The following IL20RA variants were observed in gnomAD, a reference collection of about 807,000 sequenced individuals.
IL20RA encodes interleukin 20 receptor subunit alpha, also known as interleukin-20 receptor subunit alpha.
In IL20RA, 29 loss-of-function variants were observed where a neutral mutation model predicts 36.5. The ratio of observed to expected loss-of-function variants is 0.79; its 90% CI spans 0.59 to 1.08. IL20RA has a LOEUF of 1.08. Among genes scored for constraint, IL20RA ranks in the 50% least tolerant of loss-of-function variants. IL20RA has a pLI of 0.00. For synonymous variants in IL20RA, 279 were observed against 267.1 expected (o/e 1.04, Z -0.43); for missense variants, 652 against 668.4 (o/e 0.98, Z 0.27).
In IL20RA at chr6:137,009,317, C is replaced by T. The variant is rs375320839; in HGVS notation, c.579G>A (p.Thr193=). ...VSVLNTKSNR[T]WSQCVTNHTL... The stretch of plus-strand genomic sequence containing the variant: ...ATGCCCCATTCCATTTCAGGCTTAC[C>T]GTTCTGTTTGATTTAGTATTCAACA... Residue 193 remains threonine (T), a splice_region_variant and synonymous_variant, in exon 4 of 7, where the codon ACG becomes ACA. Coordinates refer to ENST00000316649, the MANE Select transcript of IL20RA (RefSeq NM_014432.4). The T allele has an allele frequency of 1.2e-5, 20 of 1,611,644 alleles. No homozygotes were observed. Among genetic ancestry groups the T allele is most frequent in the Admixed American group, 3.3e-5 (2 of 59,998 alleles).
chr6:137,002,385 C>T (rs1264560640), intron 6 of IL20RA, 30 bp from the exon 7 acceptor site: 1 of 1,449,472 alleles, frequency 6.9e-7, no homozygotes, highest in East Asian at 2.3e-5. Flanking sequence ...TGATTTTCAC[C>T]TTTTCACTTT....
At chr6:137,028,018 T>G (rs1776153083) in intron 1 of IL20RA, among the ~76,000 whole-genome samples, 1 of 152,260 alleles carries the variant, frequency 6.6e-6, no homozygotes, top group Non-Finnish European at 1.5e-5. Flanking sequence ...AAGCTTTTCC[T>G]GGTGGAACTG....
At chr6:137,008,031 GTGCACCTATGGCTCA>G (rs1184017486) in intron 5 of IL20RA, among the ~76,000 whole-genome samples, 14 of 152,208 alleles carry the variant, frequency 9.2e-5, no homozygotes, top group African/African-American at 3.4e-4. Context: ...GAGTGCAGTG[GTGCACCTATGGCTCA>G]CTGCAGCCTC....
At chr6:137,018,533 T>G (rs1339942888) in intron 1 of IL20RA, among the ~76,000 whole-genome samples, 2 of 151,606 alleles carry the variant, frequency 1.3e-5, no homozygotes, top group African/African-American at 4.9e-5. Flanking sequence ...TGTGTGTGTG[T>G]GTGTGTGTGT....
At position 137,001,217 on chromosome 6, in the gene IL20RA, T is replaced by C. The variant is rs957201661; in HGVS notation, c.*341A>G. On this transcript the variant is annotated 3_prime_UTR_variant, in exon 7 of 7. Coordinates refer to ENST00000316649, the MANE Select transcript of IL20RA (RefSeq NM_014432.4). ...CATATGGGAAGTACCCAGAAAATAATTGTACAAGTGTGCTTGTTTGAAAAT... is the reference window on the plus strand; with the variant it reads ...CATATGGGAAGTACCCAGAAAATAACTGTACAAGTGTGCTTGTTTGAAAAT... 6 of 187,236 alleles carry C rather than the reference T, an allele frequency of 3.2e-5. No individual in the cohort carries two copies. Among genetic ancestry groups the C allele is most frequent in the South Asian group, 1.8e-4 (1 of 5,522 alleles). 11.6% of individuals were successfully genotyped at this position (187,236 alleles called of 1,614,324 possible).
intron 1 of IL20RA, among the ~76,000 whole-genome samples, chr6:137,025,157 T>C (rs971053906): frequency 2.6e-5 from 4 of 152,194 alleles, no homozygotes; most frequent in Non-Finnish European, 4.4e-5. Context: ...ATAAATGGAA[T>C]GTGTGTGTTC....
intron 2 of IL20RA, among the ~76,000 whole-genome samples, chr6:137,012,467 G>A (rs1034800426): frequency 6.6e-6 from 1 of 152,282 alleles, no homozygotes; most frequent in East Asian, 1.9e-4. Context: ...AGAGCAGGAG[G>A]GGAAGATAAG....
intron 1 of IL20RA, chr6:137,038,087 C>G: frequency 6.6e-6 from 1 of 151,276 alleles, no homozygotes; most frequent in Non-Finnish European, 1.5e-5. Flanking sequence ...GGTGGGGTGA[C>G]TTTTAAGGTC....
At chr6:137,016,333 C>T (rs1395508860) in intron 2 of IL20RA, among the ~76,000 whole-genome samples, 1 of 152,198 alleles carries the variant, frequency 6.6e-6, no homozygotes, top group Non-Finnish European at 1.5e-5. Context: ...GGCCTCTTTG[C>T]ACTGTGATAC....
intron 3 of IL20RA, among the ~76,000 whole-genome samples, chr6:137,010,054 T>A (rs1377600307): frequency 6.6e-6 from 1 of 152,224 alleles, no homozygotes; most frequent in Non-Finnish European, 1.5e-5. Flanking sequence ...AGTATTCTGT[T>A]TCCTTAGTCA....
At chr6:137,006,713 T>A (rs1386542794) in intron 5 of IL20RA, among the ~76,000 whole-genome samples, 1 of 149,224 alleles carries the variant, frequency 6.7e-6, no homozygotes, top group Non-Finnish European at 1.5e-5. Flanking sequence ...TATTATTCCG[T>A]TAATTTTTCT....
chr6:137,028,854 G>GA (rs56684668), intron 1 of IL20RA, among the ~76,000 whole-genome samples: 134,608 of 151,616 alleles, frequency 0.89, 61,764 homozygotes, highest in East Asian at 1. Context: ...TTAGAAACAT[G>GA]AAAAAAAAAT....
chr6:137,041,975 C>G (rs1032032859), intron 1 of IL20RA, among the ~76,000 whole-genome samples: 1 of 152,128 alleles, frequency 6.6e-6, no homozygotes, highest in Non-Finnish European at 1.5e-5. Context: ...CCCCCACCCC[C>G]CGACAGGCTC....
rs1164575907 is a variant in IL20RA at position 137,017,010 on chromosome 6, C to A, written c.182G>T (p.Gly61Val). The A allele has an allele frequency of 6.2e-7, 1 of 1,613,422 alleles. No homozygotes were observed. Among genetic ancestry groups the A allele is most frequent in the Non-Finnish European group, 8.5e-7 (1 of 1,179,364 alleles). Residue 61 changes from glycine (G) to valine (V), a missense_variant, in exon 2 of 7, where the codon GGT becomes GTT. Transcript: ENST00000316649. Reference sequence around the variant, plus strand: ...GTAAGTAACTTTAACTCCTTGAAGACCCTCTGGTGGAGTCCATTGTAGGAC... The same window carrying A: ...GTAAGTAACTTTAACTCCTTGAAGAACCTCTGGTGGAGTCCATTGTAGGAC... Reference protein sequence around the residue: ...KNVLQWTPPEGLQGVKVTYTV... With the variant: ...KNVLQWTPPEVLQGVKVTYTV...
chr6:137,007,703 A>T (rs1775327574), intron 5 of IL20RA, among the ~76,000 whole-genome samples: 1 of 152,158 alleles, frequency 6.6e-6, no homozygotes, highest in Non-Finnish European at 1.5e-5. Flanking sequence ...CCAGTGTAGA[A>T]AATGTGAAGA....
intron 1 of IL20RA, among the ~76,000 whole-genome samples, chr6:137,017,622 CTCTT>C (rs1351392157): frequency 6.6e-6 from 1 of 152,034 alleles, no homozygotes; most frequent in Non-Finnish European, 1.5e-5. Context: ...CTAAAACAAT[CTCTT>C]TATTAAATAT....
chr6:137,008,864 G>GGTT, intron 4 of IL20RA, 121 bp from the exon 5 acceptor site: 1 of 193,230 alleles, frequency 5.2e-6, no homozygotes. Flanking sequence ...ATCAGTATAA[G>GGTT]CTTTTTTTTT....
In IL20RA at chr6:137,022,067, T is replaced by C. The variant is rs377533278; in HGVS notation, c.89-4964A>G. On this transcript the variant is annotated intron_variant, in intron 1 of 6. Transcript: ENST00000316649. ...TCACATGCCAGCGTTGTAAACCAAG[T>C]AGAATTTAAGCAGAATTTAAAGATA... 2.0e-4 allele frequency among the ~76,000 whole-genome samples: 30 copies of C among 152,216 alleles called. 2 individuals carry two copies. Among genetic ancestry groups the C allele is most frequent in the East Asian group, 7.7e-4 (4 of 5,178 alleles).
chr6:137,001,905 C>T lies in IL20RA; in HGVS notation c.1315G>A (p.Ala439Thr). The change falls in exon 7 of 7, where the codon GCA becomes ACA. Residue 439 changes from alanine (A) to threonine (T), a missense_variant. By Grantham distance (58) the Ala-to-Thr change is moderately conservative. Coordinates refer to ENST00000316649, the MANE Select transcript of IL20RA (RefSeq NM_014432.4). ...GTLLESQAAL[A>T]VLGPQTLQYS... ...TGTAACGTTTGCGGGCCCAAGACTG[C>T]CAACGCTGCCTGCGACTCCAATAAT... 1 of 1,613,834 alleles carries T rather than the reference C, an allele frequency of 6.2e-7. No individual in the cohort carries two copies.
Sources: gnomAD v4.1 joint callset for allele counts (sites outside exome capture counted in the v4.1 genomes callset) on GRCh38, gnomAD v4.1.1 for gene constraint, MANE v1.5 for transcripts, NCBI Gene and HGNC (gene_info 2026-07-23, HGNC 2026-07-21) for gene names.